Variants in SNAP29 observed in about 807,000 individuals in gnomAD.
SNAP29 encodes the protein synaptosomal-associated protein 29.
A neutral mutation model predicts 27.9 loss-of-function variants in SNAP29; 13 were observed. The observed-to-expected ratio is 0.47, with a 90% CI of 0.30 to 0.74. The LOEUF (loss-of-function observed/expected upper bound fraction) is 0.74, where lower values mean the gene tolerates loss of function less well. SNAP29 is among the 30% of genes least tolerant of loss of function. The pLI, the probability that SNAP29 is intolerant of heterozygous loss-of-function variation, is 0.06. For missense variants in SNAP29, 368 were observed against 336.5 expected, an observed-to-expected ratio of 1.09 and a Z score of -0.73; for synonymous variants, 119 against 127.1, an observed-to-expected ratio of 0.94 and a Z score of 0.43.
intron 2 of SNAP29, among the ~76,000 whole-genome samples, chr22:20,876,822 G>A (rs1434648163): frequency 2.6e-5 from 4 of 151,912 alleles, no homozygotes; most frequent in Non-Finnish European, 4.4e-5. Flanking sequence ...TGCCCGCCTC[G>A]GCCTCAAAAG....
At chr22:20,877,759 C>T (rs1928783471) in intron 2 of SNAP29, among the ~76,000 whole-genome samples, 1 of 152,112 alleles carries the variant, frequency 6.6e-6, no homozygotes, top group South Asian at 2.1e-4. Flanking sequence ...GTGGGGGAGC[C>T]ATTTTTCACA....
In SNAP29 at chr22:20,859,310, T is replaced by C. The variant is rs1393580232; in HGVS notation, c.200T>C (p.Met67Thr). 1 of 1,613,294 alleles carries C rather than the reference T, an allele frequency of 6.2e-7. No homozygotes were observed. The highest frequency in any genetic ancestry group is 8.5e-7 in the Non-Finnish European group (1 of 1,179,924). ...AASTSRSLAL[M>T]YESEKVGVAS... ...AGCACCAGCAGGTCCCTGGCCCTCA[T>C]GTACGAGTCCGAGAAGGTTGGGGTC... The change falls in exon 1 of 5, where the codon ATG (methionine) becomes ACG (threonine). Residue 67 changes from methionine to threonine, a missense_variant. Physicochemically the swap from Met to Thr is moderately conservative, Grantham distance 81. Coordinates refer to ENST00000215730, the MANE Select transcript of SNAP29 (RefSeq NM_004782.4).
Position 20,859,267 on chromosome 22 carries a change from G to A in SNAP29, c.157G>A (p.Ala53Thr), listed in dbSNP as rs974505427. 1 of 1,608,280 alleles carries A rather than the reference G, an allele frequency of 6.2e-7. No homozygotes were observed. Among genetic ancestry groups the A allele is most frequent in the Non-Finnish European group, 8.5e-7 (1 of 1,178,506 alleles). Residue 53 changes from alanine to threonine, a missense_variant, in exon 1 of 5, where the codon GCT (alanine) becomes ACT (threonine). By Grantham distance (58) the Ala-to-Thr change is moderately conservative. Coordinates refer to ENST00000215730, the MANE Select transcript of SNAP29 (RefSeq NM_004782.4). ...QYLRQEVLRR[A>T]EATAASTSRS... ...CTTGCGGCAGGAGGTCCTCCGCAGG[G>A]CTGAGGCCACGGCCGCCAGCACCAG... is the stretch of plus-strand genomic sequence containing the variant.
At chr22:20,861,166 G>A (rs559869964) in intron 1 of SNAP29, among the ~76,000 whole-genome samples, 1 of 124,544 alleles carries the variant, frequency 8.0e-6, no homozygotes, top group East Asian at 2.7e-4. Context: ...TCACCAGACT[G>A]GAGTGCAGTG....
intron 4 of SNAP29, among the ~76,000 whole-genome samples, chr22:20,885,166 G>A (rs1422875869): frequency 6.6e-6 from 1 of 152,158 alleles, no homozygotes; most frequent in African/African-American, 2.4e-5. Context: ...TCTAAGTAGT[G>A]TCTCAGACTT....
intron 2 of SNAP29, among the ~76,000 whole-genome samples, chr22:20,880,659 TGA>T (rs1928868970): frequency 6.6e-6 from 1 of 152,214 alleles, no homozygotes; most frequent in East Asian, 1.9e-4. Flanking sequence ...CAGGTTTCCC[TGA>T]GAGAGGGCCA....
intron 2 of SNAP29, 43 bp from the exon 3 acceptor site, chr22:20,881,006 T>C: frequency 7.6e-7 from 1 of 1,319,610 alleles, no homozygotes; most frequent in South Asian, 1.2e-5. Flanking sequence ...ATAGGGGTTT[T>C]TCCTTTTTAA....
chr22:20,881,002 G>C (rs761126445), intron 2 of SNAP29, 47 bp from the exon 3 acceptor site: 2 of 1,259,644 alleles, frequency 1.6e-6, no homozygotes, highest in Non-Finnish European at 2.3e-6. Context: ...TGTCATAGGG[G>C]TTTTTCCTTT....
chr22:20,859,087 C>A lies in SNAP29; in HGVS notation c.-24C>A, dbSNP rs775843099. The stretch of plus-strand genomic sequence containing the variant: ...CAGTGGGGCTCCTCCTTCTGTTTCC[C>A]AGACCGAGAGCCGCGCCGGCACCAT... On this transcript the variant is annotated 5_prime_UTR_variant, in exon 1 of 5. Transcript: ENST00000215730. 7.6e-6 allele frequency: 12 copies of A among 1,570,492 alleles called. No individual in the cohort carries two copies. The South Asian group carries it at 1.2e-4, about 16-fold the overall frequency.
intron 1 of SNAP29, among the ~76,000 whole-genome samples, chr22:20,860,945 G>C (rs1471645866): frequency 6.6e-6 from 1 of 151,892 alleles, no homozygotes; most frequent in Non-Finnish European, 1.5e-5. Flanking sequence ...GCTGAGGCAG[G>C]AGGACCGCTT....
At chr22:20,879,109 C>T (rs1407346488) in intron 2 of SNAP29, among the ~76,000 whole-genome samples, 1 of 151,996 alleles carries the variant, frequency 6.6e-6, no homozygotes, top group Non-Finnish European at 1.5e-5. Context: ...AGATCGAGAC[C>T]ATTCCGGCTA....
At chr22:20,872,249 A>T (rs6004700) in intron 2 of SNAP29, among the ~76,000 whole-genome samples, 9,039 of 150,410 alleles carry the variant, frequency 0.06, 882 homozygotes, top group African/African-American at 0.21. Context: ...TTATTTATTT[A>T]TTTTTTTTGA....
chr22:20,866,449 T>C (rs1183591706), intron 1 of SNAP29, among the ~76,000 whole-genome samples: 4 of 152,218 alleles, frequency 2.6e-5, no homozygotes, highest in Admixed American at 1.3e-4. Context: ...CGTCTACTTA[T>C]GATGAACCTC....
At chr22:20,862,131 G>A (rs953445224) in intron 1 of SNAP29, among the ~76,000 whole-genome samples, 8 of 152,190 alleles carry the variant, frequency 5.3e-5, no homozygotes, top group African/African-American at 1.9e-4. Flanking sequence ...GGATTCCTAT[G>A]TTCCATTCTA....
At position 20,859,229 on chromosome 22, in the gene SNAP29, A is replaced by T; in HGVS notation, c.119A>T (p.Asp40Val). The change falls in exon 1 of 5, where the codon GAC becomes GTC. Residue 40 changes from aspartate (D) to valine (V), a missense_variant. Coordinates refer to ENST00000215730, the MANE Select transcript of SNAP29 (RefSeq NM_004782.4). ...DLPDGPDAPA[D>V]RQQYLRQEVL... ...CCCGACGGGCCCGACGCGCCCGCGG[A>T]CAGGCAGCAGTACTTGCGGCAGGAG... is the stretch of plus-strand genomic sequence containing the variant. 6.2e-7 allele frequency: 1 copy of T among 1,606,210 alleles called. No homozygotes were observed. The highest frequency in any genetic ancestry group is 8.5e-7 in the Non-Finnish European group (1 of 1,177,284).
chr22:20,874,327 C>CACACACAG (rs1569117956), intron 2 of SNAP29, among the ~76,000 whole-genome samples: 3 of 146,380 alleles, frequency 2.0e-5, no homozygotes, highest in African/African-American at 7.5e-5. Context: ...GACACACACA[C>CACACACAG]ACACACACAC....
chr22:20,862,627 C>CT (rs1279778519), intron 1 of SNAP29, among the ~76,000 whole-genome samples: 1 of 152,142 alleles, frequency 6.6e-6, no homozygotes, highest in African/African-American at 2.4e-5. Context: ...CCCCAAAGGT[C>CT]TTTCTATGCA....
chr22:20,879,851 TA>T lies in SNAP29; in HGVS notation c.435-1174del, dbSNP rs361542. Among the ~76,000 whole-genome samples, 655 of 98,012 alleles carry T rather than the reference TA, an allele frequency of 6.7e-3. 3 individuals are homozygous for T. The highest frequency in any genetic ancestry group is 0.011 in the Admixed American group (102 of 9,122). 64.3% of individuals were successfully genotyped at this position (98,012 alleles called of 152,430 possible). On this transcript the variant is annotated intron_variant, in intron 2 of 4. Transcript: ENST00000215730. ...GAGCGAGACTCTGTCTGAAAAAATTTAAAAAAAAAAAAAAAAAAAAAAAAGC... is the reference window on the plus strand; with the variant it reads ...GAGCGAGACTCTGTCTGAAAAAATTTAAAAAAAAAAAAAAAAAAAAAAAGC...
At chr22:20,867,020 A>C (rs568723301) in intron 1 of SNAP29, among the ~76,000 whole-genome samples, 4 of 152,314 alleles carry the variant, frequency 2.6e-5, no homozygotes, top group Admixed American at 6.5e-5. Context: ...GATTCCGAGC[A>C]TTGCAATGTT....
Sources: gnomAD v4.1 joint callset for allele counts (sites outside exome capture counted in the v4.1 genomes callset) on GRCh38, gnomAD v4.1.1 for gene constraint, MANE v1.5 for transcripts, NCBI Gene and HGNC (gene_info 2026-07-23, HGNC 2026-07-21) for gene names.